Variants in HDAC9 observed in about 807,000 individuals in gnomAD.
HDAC9 encodes MEF-2 interacting transcription repressor (MITR) protein.
In HDAC9, 41 loss-of-function variants were observed where a neutral mutation model predicts 139.4. That is an observed-to-expected ratio of 0.29 (90% confidence interval 0.23 to 0.38). The LOEUF (loss-of-function observed/expected upper bound fraction) is 0.38. HDAC9 is among the 10% of genes least tolerant of loss of function. The pLI is 1.00. For missense variants in HDAC9, 1,147 were observed against 1,297.0 expected, an observed-to-expected ratio of 0.88 and a Z score of 1.78; for synonymous variants, 517 against 476.2, an observed-to-expected ratio of 1.09 and a Z score of -1.12.
intron 7 of HDAC9, among the ~76,000 whole-genome samples, chr7:18,633,598 A>G (rs910778025): frequency 7.2e-5 from 11 of 152,090 alleles, no homozygotes; most frequent in African/African-American, 2.4e-4. Flanking sequence ...GAAAGAAAAG[A>G]TGCTGGTGGA....
At chr7:18,979,758 CAA>C (rs36106556) in intron 25 of HDAC9, among the ~76,000 whole-genome samples, 2,869 of 152,010 alleles carry the variant, frequency 0.019, 92 homozygotes, top group African/African-American at 0.062. Flanking sequence ...CAGAAGCAAA[CAA>C]GAGAGAGAGT....
chr7:18,781,166 G>A (rs1791215305), intron 16 of HDAC9, among the ~76,000 whole-genome samples: 1 of 151,816 alleles, frequency 6.6e-6, no homozygotes, highest in South Asian at 2.1e-4. Flanking sequence ...TTGTATTAGG[G>A]CCCCACCCTT....
At chr7:18,463,321 G>C (rs1054366343) in intron 1 of HDAC9, among the ~76,000 whole-genome samples, 1 of 151,872 alleles carries the variant, frequency 6.6e-6, no homozygotes, top group Non-Finnish European at 1.5e-5. Context: ...CTTCCTTAAA[G>C]TTTTGCAACA....
At chr7:18,225,223 A>G (rs1429645761) in intron 2 of HDAC9, among the ~76,000 whole-genome samples, 1 of 152,180 alleles carries the variant, frequency 6.6e-6, no homozygotes, top group Non-Finnish European at 1.5e-5. Flanking sequence ...CTGAAGCTTT[A>G]TTTTATCCTT....
intron 2 of HDAC9, among the ~76,000 whole-genome samples, chr7:18,267,654 C>T (rs1796087819): frequency 6.6e-6 from 1 of 152,076 alleles, no homozygotes; most frequent in Non-Finnish European, 1.5e-5. Flanking sequence ...GAAAGGTATT[C>T]CGTGTATATG....
chr7:18,525,115 G>A (rs1806397915), intron 2 of HDAC9, among the ~76,000 whole-genome samples: 2 of 151,968 alleles, frequency 1.3e-5, no homozygotes, highest in African/African-American at 2.4e-5. Context: ...AATCAGTAAA[G>A]CCTCATAGAT....
intron 2 of HDAC9, among the ~76,000 whole-genome samples, chr7:18,519,753 A>G (rs1430538464): frequency 6.6e-6 from 1 of 152,172 alleles, no homozygotes; most frequent in African/African-American, 2.4e-5. Context: ...TAATTGGTAT[A>G]CAGAAATACT....
At chr7:18,534,724 T>G (rs1032299268) in intron 2 of HDAC9, among the ~76,000 whole-genome samples, 1 of 152,184 alleles carries the variant, frequency 6.6e-6, no homozygotes, top group Non-Finnish European at 1.5e-5. Flanking sequence ...TTTGTGGAAC[T>G]GCACTCGATC....
intron 3 of HDAC9, among the ~76,000 whole-genome samples, chr7:18,587,912 G>A (rs1350618866): frequency 2.0e-5 from 3 of 152,164 alleles, no homozygotes; most frequent in Admixed American, 1.3e-4. Flanking sequence ...ATACATTGGG[G>A]CTTTGGGTGA....
At chr7:18,348,527 T>C (rs77656270) in intron 1 of HDAC9, among the ~76,000 whole-genome samples, 13,594 of 152,212 alleles carry the variant, frequency 0.089, 784 homozygotes, top group East Asian at 0.23. Context: ...TCTATTATAC[T>C]GTAGGGGTCA....
chr7:18,247,932 G>A (rs1794663282), intron 2 of HDAC9, among the ~76,000 whole-genome samples: 1 of 151,974 alleles, frequency 6.6e-6, no homozygotes, highest in African/African-American at 2.4e-5. Context: ...ACTTTTTATA[G>A]GTTAGCTTAT....
intron 1 of HDAC9, among the ~76,000 whole-genome samples, chr7:18,335,518 T>C (rs905887101): frequency 4.6e-5 from 7 of 151,546 alleles, no homozygotes; most frequent in African/African-American, 1.7e-4. Context: ...TAGCTGTTTT[T>C]CATTGCTTTA....
At chr7:18,919,022 G>A (rs1238516129) in intron 22 of HDAC9, among the ~76,000 whole-genome samples, 1 of 151,902 alleles carries the variant, frequency 6.6e-6, no homozygotes, top group African/African-American at 2.4e-5. Context: ...TAATAAAGAG[G>A]TAATTACAAC....
At chr7:18,875,590 G>A (rs189664248) in intron 22 of HDAC9, among the ~76,000 whole-genome samples, 1 of 152,228 alleles carries the variant, frequency 6.6e-6, no homozygotes. Context: ...TTTTTAACAT[G>A]TATTATTTAC....
intron 1 of HDAC9, among the ~76,000 whole-genome samples, chr7:18,389,147 TG>T (rs1786227153): frequency 1.3e-5 from 2 of 152,354 alleles, no homozygotes; most frequent in South Asian, 4.1e-4. Context: ...TTGTTTTGTC[TG>T]TTTTTTTGCT....
intron 13 of HDAC9, among the ~76,000 whole-genome samples, chr7:18,744,749 G>A (rs1255321041): frequency 6.6e-6 from 1 of 152,068 alleles, no homozygotes; most frequent in Admixed American, 6.5e-5. Context: ...TACACTAGAT[G>A]CTACAAATAC....
In HDAC9 at chr7:18,246,380, A is replaced by G. The variant is rs931056166; in HGVS notation, c.25+84031A>G. Among the ~76,000 whole-genome samples the G allele has an allele frequency of 4.0e-5, 6 of 151,854 alleles. No individual in the cohort carries two copies. The South Asian group carries it at 1.3e-3, about 32-fold the overall frequency. On this transcript the variant is annotated intron_variant, in intron 2 of 12. Transcript: ENST00000417496. ...TAAAATACACATAACAAAGTTTACA[A>G]TTTTAACCATTTTTAGTGTACGATT...
chr7:18,784,709 T>C (rs558264421), intron 16 of HDAC9, among the ~76,000 whole-genome samples: 2 of 152,152 alleles, frequency 1.3e-5, no homozygotes, highest in East Asian at 3.9e-4. Flanking sequence ...GGTTTTGAAA[T>C]GTTATACCCA....
chr7:18,762,260 A>G lies in HDAC9; in HGVS notation c.2147A>G (p.Asp716Gly), dbSNP rs767825927. 1 of 1,613,486 alleles carries G rather than the reference A, an allele frequency of 6.2e-7. No homozygotes were observed. The highest frequency in any genetic ancestry group is 8.5e-7 in the Non-Finnish European group (1 of 1,179,658). Reference sequence around the variant, plus strand: ...AACCCCCTGGACGGACAGAAGCTGGACCCCAGGATACTCCTAGGTCTGTAC... The same window carrying G: ...AACCCCCTGGACGGACAGAAGCTGGGCCCCAGGATACTCCTAGGTCTGTAC... Reference protein sequence around the residue: ...GTNPLDGQKLDPRILLGDDSQ... With the variant: ...GTNPLDGQKLGPRILLGDDSQ... The change falls in exon 15 of 26, where the codon GAC becomes GGC. Residue 716 changes from aspartate (D) to glycine (G), a missense_variant. Asp to Gly is a moderately conservative substitution (Grantham distance 94). Transcript: ENST00000686413.
Sources: allele counts gnomAD v4.1 joint callset (sites outside exome capture counted in the v4.1 genomes callset), GRCh38; gene constraint gnomAD v4.1.1; transcripts MANE v1.5; gene names NCBI Gene and HGNC (gene_info 2026-07-23, HGNC 2026-07-21).